BRD8: variants seen among roughly 807,000 people sequenced by gnomAD.
BRD8 encodes the protein bromodomain containing 8, also known as bromodomain-containing protein 8.
BRD8 carries 67 observed loss-of-function variants against 143.1 expected under a neutral mutation model. The ratio of observed to expected loss-of-function variants is 0.47; its 90% confidence interval spans 0.38 to 0.57. BRD8 has a LOEUF of 0.57. Among genes scored for constraint, BRD8 ranks in the 20% least tolerant of loss-of-function variants. BRD8 has a pLI of 0.00. For missense variants in BRD8, 1,103 were observed against 1,503.0 expected, an observed-to-expected ratio of 0.73 and a Z score of 4.40; for synonymous variants, 505 against 517.1, an observed-to-expected ratio of 0.98 and a Z score of 0.32.
chr5:138,174,231 A>ATAATTACCTTAATTGTGGATAG (rs1754128217), intron 2 of BRD8, among the ~76,000 whole-genome samples: 1 of 151,902 alleles, frequency 6.6e-6, no homozygotes, highest in African/African-American at 2.4e-5. Flanking sequence ...GGATACTATA[A>ATAATTACCTTAATTGTGGATAG]TAATTACCTT....
At chr5:138,169,579 C>G (rs564554251) in intron 7 of BRD8, among the ~76,000 whole-genome samples, 1 of 152,326 alleles carries the variant, frequency 6.6e-6, no homozygotes, top group Admixed American at 6.5e-5. Context: ...CTTTAACAAT[C>G]TCAAACTACT....
In BRD8 at chr5:138,165,161, A is replaced by G; in HGVS notation, c.1284T>C (p.Asp428=). The change falls in exon 12 of 27, where the codon GAT becomes GAC. Residue 428 remains aspartate, a synonymous_variant. Transcript: ENST00000254900. ...DIIAIIEDKV[D]DHPEVLDVAA... Reference sequence around the variant, plus strand: ...CCACATCCAGCACTTCAGGATGATCATCTACCTGTCCCACAAAACACAAGA... The same window carrying G: ...CCACATCCAGCACTTCAGGATGATCGTCTACCTGTCCCACAAAACACAAGA... The G allele has an allele frequency of 6.2e-7, 1 of 1,613,556 alleles. No homozygotes were observed. Among genetic ancestry groups the G allele is most frequent in the Non-Finnish European group, 8.5e-7 (1 of 1,179,834 alleles).
rs1753824148 is a variant in BRD8 at position 138,171,025 on chromosome 5, C to T, written c.359+13G>A. The stretch of plus-strand genomic sequence containing the variant: ...GTCTTTCTCAATTTTTTGGCATTCT[C>T]TCTGATAAGTACCTATATCTCTCCT... On this transcript the variant is annotated intron_variant, in intron 5 of 26. Coordinates refer to ENST00000254900, the MANE Select transcript of BRD8 (RefSeq NM_139199.2). 2 of 1,612,328 alleles carry T rather than the reference C, an allele frequency of 1.2e-6. No individual in the cohort carries two copies. The highest frequency in any genetic ancestry group is 1.7e-6 in the Non-Finnish European group (2 of 1,179,466).
Position 138,152,481 on chromosome 5 carries a change from C to A in BRD8, c.2856+1G>T, listed in dbSNP as rs751136954. The A allele has an allele frequency of 1.9e-6, 3 of 1,613,822 alleles. No homozygotes were observed. Among genetic ancestry groups the A allele is most frequent in the Non-Finnish European group, 2.5e-6 (3 of 1,179,942 alleles). ...CTTTGGAAATAAGAGCTCACTGTTACCTCAGAGAGAAAGTGGAGGAGGTTC... is the reference window on the plus strand; with the variant it reads ...CTTTGGAAATAAGAGCTCACTGTTAACTCAGAGAGAAAGTGGAGGAGGTTC... On this transcript the variant is annotated splice_donor_variant, in intron 21 of 26. Transcript: ENST00000254900. LOFTEE classifies it high-confidence loss of function.
chr5:138,149,624 G>A lies in BRD8; in HGVS notation c.3278+16C>T. The A allele has an allele frequency of 1.3e-6, 2 of 1,564,132 alleles. No individual in the cohort carries two copies. The highest frequency in any genetic ancestry group is 1.7e-6 in the Non-Finnish European group (2 of 1,158,144). The stretch of plus-strand genomic sequence containing the variant: ...AGTACGAATCTTAACAAACTTGGAT[G>A]AAAGTCTACGCTTACAGCTTTGAGG... On this transcript the variant is annotated intron_variant, in intron 23 of 26. Coordinates refer to ENST00000254900, the MANE Select transcript of BRD8 (RefSeq NM_139199.2).
chr5:138,142,837 G>A (rs892738328), intron 25 of BRD8, among the ~76,000 whole-genome samples: 13 of 151,710 alleles, frequency 8.6e-5, no homozygotes, highest in Non-Finnish European at 1.5e-4. Context: ...AGGCTGAGGT[G>A]GGAGGATTGC....
At position 138,163,264 on chromosome 5, in the gene BRD8, T is replaced by G; in HGVS notation, c.1953A>C (p.Gly651=). 6.2e-7 allele frequency: 1 copy of G among 1,614,130 alleles called. No individual in the cohort carries two copies. The highest frequency in any genetic ancestry group is 1.3e-5 in the African/African-American group (1 of 75,028). The part of the protein sequence containing the change: ...SLEEPKEEDQ[G]EGYLSEMDNE... Reference sequence around the variant, plus strand: ...TATCCATTTCTGACAAGTAGCCTTCTCCTTGATCCTCTTCCTTAGGCTCCT... The same window carrying G: ...TATCCATTTCTGACAAGTAGCCTTCGCCTTGATCCTCTTCCTTAGGCTCCT... The change falls in exon 15 of 27, where the codon GGA becomes GGC. Residue 651 remains glycine, a synonymous_variant. Transcript: ENST00000254900.
chr5:138,173,030 A>C (rs926560457), intron 2 of BRD8, among the ~76,000 whole-genome samples: 1 of 152,190 alleles, frequency 6.6e-6, no homozygotes, highest in South Asian at 2.1e-4. Flanking sequence ...CACTGCATAT[A>C]ATTTTGAATC....
chr5:138,146,479 C>A lies in BRD8; in HGVS notation c.3279-601G>T, dbSNP rs190262043. Among the ~76,000 whole-genome samples, 20 of 152,076 alleles carry A rather than the reference C, an allele frequency of 1.3e-4. No homozygotes were observed. In the East Asian group the frequency reaches 3.9e-3, roughly 30 times the overall value. On this transcript the variant is annotated intron_variant, in intron 23 of 26. Transcript: ENST00000254900. ...CAAGCGATCCTCCTGCCTCAGCCTC[C>A]CAAGTAGCTGGGACTCCAGGCACAT... is the stretch of plus-strand genomic sequence containing the variant.
intron 24 of BRD8, 64 bp downstream of exon 24, chr5:138,145,725 A>T (rs1029540148): frequency 7.1e-7 from 1 of 1,402,538 alleles, no homozygotes; most frequent in Non-Finnish European, 1.0e-6. Context: ...TTTTATGCTT[A>T]AACCCCAATA....
intron 25 of BRD8, among the ~76,000 whole-genome samples, chr5:138,144,173 C>T (rs373577333): frequency 6.6e-5 from 10 of 152,278 alleles, no homozygotes; most frequent in South Asian, 2.1e-4. Context: ...CAGCTTCACT[C>T]CTGAAGCCAG....
At chr5:138,141,564 T>G (rs1751911110) in intron 25 of BRD8, among the ~76,000 whole-genome samples, 1 of 152,214 alleles carries the variant, frequency 6.6e-6, no homozygotes, top group Admixed American at 6.5e-5. Flanking sequence ...TATATTCTAC[T>G]ATCAGAGGAG....
intron 8 of BRD8, 122 bp from the exon 9 acceptor site, chr5:138,168,200 A>AT: frequency 1.3e-6 from 1 of 755,102 alleles, no homozygotes; most frequent in Non-Finnish European, 2.2e-6. Flanking sequence ...ACAGAGAATA[A>AT]TTTAAGACCC....
At chr5:138,154,460 T>G (rs143001431) in intron 20 of BRD8, among the ~76,000 whole-genome samples, 84 of 152,364 alleles carry the variant, frequency 5.5e-4, no homozygotes, top group African/African-American at 1.9e-3. Flanking sequence ...TCCCAGCTTT[T>G]AGAGCTTGTG....
At chr5:138,150,576 A>G (rs1752338912) in intron 22 of BRD8, among the ~76,000 whole-genome samples, 169 bp downstream of exon 22, 1 of 152,252 alleles carries the variant, frequency 6.6e-6, no homozygotes, top group Non-Finnish European at 1.5e-5. Flanking sequence ...CTGAAGTTCT[A>G]AAATGTTCAC....
chr5:138,145,971 C>A, intron 23 of BRD8, 93 bp from the exon 24 acceptor site: 1 of 919,646 alleles, frequency 1.1e-6, no homozygotes, highest in South Asian at 1.5e-5. Flanking sequence ...TTAAGACATG[C>A]TCCTAATTAA....
chr5:138,157,908 A>G (rs539969355), intron 20 of BRD8: 2 of 152,396 alleles, frequency 1.3e-5, no homozygotes, highest in African/African-American at 2.4e-5. Context: ...TTGTAGGCCA[A>G]TAAGAAAGAA....
intron 21 of BRD8, among the ~76,000 whole-genome samples, chr5:138,152,236 G>A (rs1752401963): frequency 6.6e-6 from 1 of 150,548 alleles, no homozygotes; most frequent in Non-Finnish European, 1.5e-5. Flanking sequence ...GTGATCCACT[G>A]GCCTCAGCCT....
rs1235675699 is a variant in BRD8, at chr5:138,173,859, G to GT, written c.117-1726dup. Among the ~76,000 whole-genome samples, 4 of 152,040 alleles carry GT rather than the reference G, an allele frequency of 2.6e-5. No individual in the cohort carries two copies. In the South Asian group the frequency reaches 6.2e-4, roughly 24 times the overall value. ...CACCAGACCTGGCTAGTATTTTTGT[G>GT]TTTTTTTATAGTTTTGTCATATTGC... On this transcript the variant is annotated intron_variant, in intron 2 of 26. Coordinates refer to ENST00000254900, the MANE Select transcript of BRD8 (RefSeq NM_139199.2).
Sources: allele counts gnomAD v4.1 joint callset (sites outside exome capture counted in the v4.1 genomes callset), GRCh38; gene constraint gnomAD v4.1.1; transcripts MANE v1.5; gene names NCBI Gene and HGNC (gene_info 2026-07-23, HGNC 2026-07-21).